The following DDX10 variants were observed in gnomAD, a reference collection of about 807,000 sequenced individuals.
DDX10 encodes the protein DEAD-box helicase 10, also known as probable ATP-dependent RNA helicase DDX10.
DDX10 carries 74 observed loss-of-function variants against 104.3 expected under a neutral mutation model. The ratio of observed to expected loss-of-function variants is 0.71; its 90% CI spans 0.59 to 0.86. The LOEUF (loss-of-function observed/expected upper bound fraction) is 0.86, where lower values mean the gene tolerates loss of function less well. Among genes scored for constraint, DDX10 ranks in the 40% least tolerant of loss-of-function variants. The pLI is 0.00. For synonymous variants in DDX10, 351 were observed against 353.4 expected, an observed-to-expected ratio of 0.99 and a Z score of 0.08; for missense variants, 952 against 1,040.0, an observed-to-expected ratio of 0.92 and a Z score of 1.16.
chr11:108,756,921 ATTTGGGTAGAATTATCTC>A (rs1474877036), intron 13 of DDX10, among the ~76,000 whole-genome samples: 1 of 152,068 alleles, frequency 6.6e-6, no homozygotes, highest in East Asian at 1.9e-4. Context: ...TTATGAAGTT[ATTTGGGTAGAATTATCTC>A]TTTTATAATT....
At chr11:108,892,494 C>T (rs984609236) in intron 16 of DDX10, among the ~76,000 whole-genome samples, 1 of 152,118 alleles carries the variant, frequency 6.6e-6, no homozygotes, top group African/African-American at 2.4e-5. Context: ...ATATCCTTTG[C>T]CATTAATATT....
At chr11:108,746,709 A>G (rs1247938580) in intron 13 of DDX10, among the ~76,000 whole-genome samples, 1 of 151,886 alleles carries the variant, frequency 6.6e-6, no homozygotes, top group African/African-American at 2.4e-5. Flanking sequence ...CCACATCCTC[A>G]CTGTCACTCA....
rs1864095921 is a variant in DDX10, at chr11:108,940,524, C to G, written c.*101C>G. 8.2e-7 allele frequency: 1 copy of G among 1,213,264 alleles called. No homozygotes were observed. Among genetic ancestry groups the G allele is most frequent in the Non-Finnish European group, 1.1e-6 (1 of 872,006 alleles). 75.2% of individuals were successfully genotyped at this position (1,213,264 alleles called of 1,614,324 possible). A position where few individuals can be genotyped will look rare whatever the true frequency, so the allele number is the denominator to read the frequency against. ...TGGGGGCACTTAGGTACCATATGCC[C>G]CATTCCCAAAGGGCACATTTCTGGA... On this transcript the variant is annotated 3_prime_UTR_variant, in exon 18 of 18. Coordinates refer to ENST00000322536, the MANE Select transcript of DDX10 (RefSeq NM_004398.4).
At chr11:108,707,806 A>C (rs765139) in intron 10 of DDX10, among the ~76,000 whole-genome samples, 1 of 152,232 alleles carries the variant, frequency 6.6e-6, no homozygotes, top group Non-Finnish European at 1.5e-5. Flanking sequence ...AAAAGCTACA[A>C]TTAGATTCTT....
intron 13 of DDX10, among the ~76,000 whole-genome samples, chr11:108,736,743 C>T (rs534445266): frequency 5.3e-4 from 80 of 152,140 alleles, no homozygotes; most frequent in Admixed American, 9.8e-4. Flanking sequence ...CAAGAAGGCT[C>T]ATACCAGATG....
chr11:108,780,995 G>A (rs1417327522), intron 13 of DDX10, among the ~76,000 whole-genome samples: 1 of 152,100 alleles, frequency 6.6e-6, no homozygotes, highest in Non-Finnish European at 1.5e-5. Context: ...TTGCTACATG[G>A]ATGTATTGGA....
At chr11:108,842,778 C>G (rs1862658470) in intron 15 of DDX10, among the ~76,000 whole-genome samples, 1 of 152,100 alleles carries the variant, frequency 6.6e-6, no homozygotes, top group Non-Finnish European at 1.5e-5. Context: ...TTAAGAGTAT[C>G]AGGAGCTTGT....
At chr11:108,682,075 C>T (rs2094236104) in intron 6 of DDX10, among the ~76,000 whole-genome samples, 2 of 151,836 alleles carry the variant, frequency 1.3e-5, no homozygotes. Context: ...TAAAATGTTT[C>T]TTTTCATCTT....
At chr11:108,925,497 G>A (rs1390740656) in intron 17 of DDX10, among the ~76,000 whole-genome samples, 1 of 152,160 alleles carries the variant, frequency 6.6e-6, no homozygotes, top group South Asian at 2.1e-4. Context: ...TAACTCTGGT[G>A]CACTGCAACT....
intron 13 of DDX10, among the ~76,000 whole-genome samples, chr11:108,737,615 G>A (rs1460955682): frequency 6.6e-6 from 1 of 152,156 alleles, no homozygotes; most frequent in African/African-American, 2.4e-5. Flanking sequence ...AAATTTCTTG[G>A]CATTAATGTG....
chr11:108,893,349 A>C (rs907228416), intron 16 of DDX10, among the ~76,000 whole-genome samples: 69 of 152,162 alleles, frequency 4.5e-4, no homozygotes, highest in African/African-American at 1.5e-3. Flanking sequence ...ATTAAAACCC[A>C]AAGATTTGGG....
chr11:108,837,662 C>T (rs892881088), intron 13 of DDX10, among the ~76,000 whole-genome samples: 8 of 106,654 alleles, frequency 7.5e-5, no homozygotes, highest in African/African-American at 2.9e-4. Context: ...CTTGCTCTGT[C>T]CTCAGGCTGA....
chr11:108,799,863 T>C (rs779337280), intron 13 of DDX10, among the ~76,000 whole-genome samples: 10 of 152,190 alleles, frequency 6.6e-5, no homozygotes, highest in Non-Finnish European at 1.3e-4. Flanking sequence ...ATAGATTATG[T>C]TGACTTCCTA....
At chr11:108,773,021 G>T (rs1448774705) in intron 13 of DDX10, among the ~76,000 whole-genome samples, 1 of 152,188 alleles carries the variant, frequency 6.6e-6, no homozygotes, top group African/African-American at 2.4e-5. Context: ...TCTGGAAAGG[G>T]TATTTGAAGA....
intron 15 of DDX10, among the ~76,000 whole-genome samples, chr11:108,843,320 C>G (rs1244573433): frequency 6.7e-6 from 1 of 149,682 alleles, no homozygotes; most frequent in Non-Finnish European, 1.5e-5. Flanking sequence ...GTCCCTCCAT[C>G]TTCAGGAAGA....
At position 108,752,756 on chromosome 11, in the gene DDX10, A is replaced by C. The variant is rs73556751; in HGVS notation, c.1965+29294A>C. 6.9e-3 allele frequency among the ~76,000 whole-genome samples: 1,049 copies of C among 152,262 alleles called. 10 individuals carry two copies. The highest frequency in any genetic ancestry group is 0.024 in the African/African-American group (980 of 41,540). On this transcript the variant is annotated intron_variant, in intron 13 of 17. Coordinates refer to ENST00000322536, the MANE Select transcript of DDX10 (RefSeq NM_004398.4). Reference sequence around the variant, plus strand: ...ATACTTTGAAAGTTGGATTTTTCCAATACCAAACCATAAACGTAGCCTAAT... The same window carrying C: ...ATACTTTGAAAGTTGGATTTTTCCACTACCAAACCATAAACGTAGCCTAAT...
intron 13 of DDX10, among the ~76,000 whole-genome samples, chr11:108,784,629 C>G (rs1861761975): frequency 1.3e-5 from 2 of 151,872 alleles, no homozygotes; most frequent in African/African-American, 4.8e-5. Flanking sequence ...AATATTTTTT[C>G]TCCGATTCTG....
chr11:108,717,560 C>G (rs1370955690), intron 11 of DDX10, among the ~76,000 whole-genome samples: 2 of 152,150 alleles, frequency 1.3e-5, no homozygotes, highest in Admixed American at 6.6e-5. Context: ...GATCCGCTTG[C>G]CTTGGCCTCC....
At chr11:108,897,976 CA>C (rs1041082292) in intron 16 of DDX10, among the ~76,000 whole-genome samples, 2 of 151,982 alleles carry the variant, frequency 1.3e-5, no homozygotes, top group African/African-American at 4.8e-5. Context: ...ACCGTATAAG[CA>C]AAAGCTGTTC....
Sources: gnomAD v4.1 joint callset for allele counts (sites outside exome capture counted in the v4.1 genomes callset) on GRCh38, gnomAD v4.1.1 for gene constraint, MANE v1.5 for transcripts, NCBI Gene and HGNC (gene_info 2026-07-23, HGNC 2026-07-21) for gene names.